The following DST variants were observed in gnomAD, a reference collection of about 807,000 sequenced individuals.
DST encodes the protein bullous pemphigoid antigen.
Under a neutral mutation model 875.2 loss-of-function variants are expected in DST, and 253 were observed. The observed-to-expected ratio is 0.29, with a 90% CI of 0.26 to 0.32. The LOEUF is 0.32. DST is among the 10% of genes least tolerant of loss of function. The probability of loss-of-function intolerance (pLI) is 1.00; values close to 1 mark genes in which losing one functional copy is unlikely to be tolerated. For missense variants in DST, 8,287 were observed against 9,111.6 expected, an observed-to-expected ratio of 0.91 and a Z score of 3.68; for synonymous variants, 3,124 against 3,197.1, an observed-to-expected ratio of 0.98 and a Z score of 0.77.
rs115461821 is a variant in DST, at chr6:56,521,279, G to A, written c.18130-3659C>T. Among the ~76,000 whole-genome samples, 1,277 of 151,742 alleles carry A rather than the reference G, an allele frequency of 8.4e-3. 16 individuals carry two copies. The highest frequency in any genetic ancestry group is 0.029 in the African/African-American group (1,213 of 41,414). On this transcript the variant is annotated intron_variant, in intron 69 of 103. Coordinates refer to ENST00000680361, the MANE Select transcript of DST (RefSeq NM_001374736.1). ...AAAAACAGTTCAGGCCTTTCTACCTGAGTGTAAATACTGCAAGATATCTGA... is the reference window on the plus strand; with the variant it reads ...AAAAACAGTTCAGGCCTTTCTACCTAAGTGTAAATACTGCAAGATATCTGA...
chr6:56,611,900 G>A (rs1481921478), intron 37 of DST, among the ~76,000 whole-genome samples: 1 of 152,162 alleles, frequency 6.6e-6, no homozygotes, highest in Admixed American at 6.6e-5. Context: ...CCACCCGCAG[G>A]TGGGCACTCA....
At chr6:56,788,670 C>G (rs1438298884) in intron 4 of DST, among the ~76,000 whole-genome samples, 1 of 152,112 alleles carries the variant, frequency 6.6e-6, no homozygotes, top group East Asian at 1.9e-4. Flanking sequence ...CTACTTTTTT[C>G]CCAAGTATTA....
At position 56,893,576 on chromosome 6, in the gene DST, T is replaced by A. The variant is rs1592162622; in HGVS notation, c.417+6845A>T. Among the ~76,000 whole-genome samples, 56 of 71,388 alleles carry A rather than the reference T, an allele frequency of 7.8e-4. 5 individuals are homozygous for A. Among genetic ancestry groups the A allele is most frequent in the South Asian group, 6.0e-3 (22 of 3,670 alleles). 46.8% of individuals were successfully genotyped at this position (71,388 alleles called of 152,430 possible). On this transcript the variant is annotated intron_variant, in intron 3 of 103. Coordinates refer to ENST00000680361, the MANE Select transcript of DST (RefSeq NM_001374736.1). ...TACTTTTAGTTCTTTTTTTTTTTTTTTTTTTTTTTTTATTTTTTTTTATTT... is the reference window on the plus strand; with the variant it reads ...TACTTTTAGTTCTTTTTTTTTTTTTATTTTTTTTTTTATTTTTTTTTATTT...
Position 56,709,844 on chromosome 6 carries a change from A to C in DST, c.688-5475T>G, listed in dbSNP as rs537190490. 3.9e-5 allele frequency among the ~76,000 whole-genome samples: 6 copies of C among 152,326 alleles called. No individual in the cohort carries two copies. The South Asian group carries it at 6.2e-4, about 16-fold the overall frequency. ...CAGTCTGAGGTCTTCCCAGCAAAGA[A>C]GATGGGAATGTTGCAGGTGGAGGGA... On this transcript the variant is annotated intron_variant, in intron 5 of 103. Transcript: ENST00000680361.
intron 3 of DST, among the ~76,000 whole-genome samples, chr6:56,862,158 G>GC (rs1771537537): frequency 6.6e-6 from 1 of 152,068 alleles, no homozygotes; most frequent in African/African-American, 2.4e-5. Flanking sequence ...GGCTAAAAAT[G>GC]CCCCAAGTGT....
chr6:56,633,882 C>T (rs974740167), intron 27 of DST, among the ~76,000 whole-genome samples: 4 of 152,142 alleles, frequency 2.6e-5, no homozygotes, highest in Non-Finnish European at 4.4e-5. Flanking sequence ...ATCGTATATC[C>T]AACAACTACA....
At position 56,515,548 on chromosome 6, in the gene DST, G is replaced by A. The variant is rs1414267992; in HGVS notation, c.18478C>T (p.Leu6160Phe). ...VNQFWETYEE[L>F]WPWLTETQSI... ...TGTGTTTCTGTCAGCCATGGCCAAAGTTCTTCATATGTTTCCCAGAATTGG... is the reference window on the plus strand; with the variant it reads ...TGTGTTTCTGTCAGCCATGGCCAAAATTCTTCATATGTTTCCCAGAATTGG... Residue 6160 changes from leucine to phenylalanine, a missense_variant, in exon 72 of 104, where the codon CTT becomes TTT. Leu to Phe is a conservative substitution (Grantham distance 22). This residue lies in a region of DST where 1,292 missense variants were observed against 1,552.7 expected (regional missense o/e 0.83). Coordinates refer to ENST00000680361, the MANE Select transcript of DST (RefSeq NM_001374736.1). The A allele has an allele frequency of 3.7e-6, 6 of 1,613,834 alleles. No homozygotes were observed. The highest frequency in any genetic ancestry group is 5.1e-6 in the Non-Finnish European group (6 of 1,179,868).
chr6:56,591,448 T>C (rs1042592990), intron 49 of DST, among the ~76,000 whole-genome samples: 1 of 152,222 alleles, frequency 6.6e-6, no homozygotes, highest in African/African-American at 2.4e-5. Flanking sequence ...TTAACAAATA[T>C]TTATTGAGTA....
At chr6:56,914,614 T>C (rs1800083151) in intron 2 of DST, among the ~76,000 whole-genome samples, 1 of 152,022 alleles carries the variant, frequency 6.6e-6, no homozygotes, top group South Asian at 2.1e-4. Flanking sequence ...CCCCAATAAA[T>C]CTCCTGCATA....
At chr6:56,868,312 C>T (rs770067912) in intron 3 of DST, among the ~76,000 whole-genome samples, 9 of 152,150 alleles carry the variant, frequency 5.9e-5, no homozygotes, top group Non-Finnish European at 1.0e-4. Context: ...GCCTTATTTC[C>T]TTAAAACAAC....
intron 2 of DST, among the ~76,000 whole-genome samples, chr6:56,923,463 CAAAAAAAAAAAA>C (rs57118743): frequency 1.4e-4 from 7 of 48,714 alleles, no homozygotes; most frequent in Admixed American, 1.2e-3. Flanking sequence ...GGCTCACTGG[CAAAAAAAAAAAA>C]AAAAAAAAAA....
In DST at chr6:56,497,508, C is replaced by CTGAAGTAATAGGCAGTT. The variant is rs2152452475; in HGVS notation, c.20095-18_20095-2dup. The CTGAAGTAATAGGCAGTT allele has an allele frequency of 2.5e-6, 4 of 1,612,308 alleles. No individual in the cohort carries two copies. The highest frequency in any genetic ancestry group is 3.4e-6 in the Non-Finnish European group (4 of 1,179,220). ...CAATTTCGCCATGGAACCCTTTGGC[C>CTGAAGTAATAGGCAGTT]TGAAGTAATAGGCAGTTTTAAGTTG... is the stretch of plus-strand genomic sequence containing the variant. On this transcript the variant is annotated splice_acceptor_variant, in intron 81 of 103. Transcript: ENST00000680361. LOFTEE classifies it high-confidence loss of function.
Position 56,640,408 on chromosome 6 carries a change from G to A in DST, c.2225C>T (p.Thr742Ile). 1.9e-6 allele frequency: 3 copies of A among 1,614,150 alleles called. No individual in the cohort carries two copies. Among genetic ancestry groups the A allele is most frequent in the Non-Finnish European group, 2.5e-6 (3 of 1,180,004 alleles). ...CAGGCCAGAAGTCATACTAGAAGAGGTTAGGGAAGGTGTTAAACTCTGGGT... is the reference window on the plus strand; with the variant it reads ...CAGGCCAGAAGTCATACTAGAAGAGATTAGGGAAGGTGTTAAACTCTGGGT... ...GLTQSLTPSLTSSSMTSGLSS... is the reference protein window; with the variant it reads ...GLTQSLTPSLISSSMTSGLSS... The change falls in exon 18 of 104, where the codon ACC becomes ATC. Residue 742 changes from threonine to isoleucine, a missense_variant. Around this residue, in one of 10 missense-constraint regions of DST, gnomAD observed 1,160 missense variants for 1,424.3 expected, o/e 0.81. Coordinates refer to ENST00000680361, the MANE Select transcript of DST (RefSeq NM_001374736.1).
At chr6:56,467,319 G>C (rs893470006) in intron 98 of DST, 2 of 151,966 alleles carry the variant, frequency 1.3e-5, no homozygotes, top group African/African-American at 4.8e-5. Flanking sequence ...GTTTCAAGAA[G>C]AAAACCCAAA....
intron 2 of DST, among the ~76,000 whole-genome samples, chr6:56,941,350 T>G (rs1189079200): frequency 6.6e-6 from 1 of 152,254 alleles, no homozygotes; most frequent in African/African-American, 2.4e-5. Context: ...TTTGAGATTT[T>G]CTTGGAGATA....
intron 49 of DST, among the ~76,000 whole-genome samples, chr6:56,591,914 G>A (rs1199448908): frequency 1.4e-5 from 2 of 147,008 alleles, no homozygotes; most frequent in East Asian, 2.0e-4. Flanking sequence ...CCCAGGAGGC[G>A]GCAGTTGCCG....
At chr6:56,668,787 T>A (rs925055408) in intron 10 of DST, among the ~76,000 whole-genome samples, 2 of 151,394 alleles carry the variant, frequency 1.3e-5, no homozygotes, top group African/African-American at 4.9e-5. Context: ...AATTAATTAA[T>A]TAAATAAAAT....
intron 10 of DST, among the ~76,000 whole-genome samples, chr6:56,670,158 GT>G (rs2099093841): frequency 2.0e-5 from 3 of 151,666 alleles, no homozygotes; most frequent in Non-Finnish European, 4.4e-5. Context: ...GTGTGTGTGT[GT>G]GTGTGTGTGT....
rs2094183164 is a variant in DST, at chr6:56,458,882, G to A, written c.*123C>T. The A allele has an allele frequency of 2.9e-6, 3 of 1,029,170 alleles. No homozygotes were observed. The highest frequency in any genetic ancestry group is 4.1e-6 in the Non-Finnish European group (3 of 733,328). The allele number at this position is 1,029,170 out of a possible 1,614,324, so 63.8% of individuals were successfully genotyped here. On this transcript the variant is annotated 3_prime_UTR_variant, in exon 104 of 104. Transcript: ENST00000680361. ...ATAAAAAGACAAATACACAAATAAG[G>A]CCATCTGCAGAATTTTAAACTCGCC...
Sources: gnomAD v4.1 joint callset for allele counts (sites outside exome capture counted in the v4.1 genomes callset) on GRCh38, gnomAD v4.1.1 for gene constraint, gnomAD v4.1.1 regional missense constraint, MANE v1.5 for transcripts, NCBI Gene and HGNC (gene_info 2026-07-23, HGNC 2026-07-21) for gene names.